The following PAPPA2 variants were observed in gnomAD, a reference collection of about 807,000 sequenced individuals.
PAPPA2 encodes pappalysin 2, also known as pappalysin-2.
A neutral mutation model predicts 176.4 loss-of-function variants in PAPPA2; 86 were observed. The observed-to-expected ratio is 0.49, with a 90% CI of 0.41 to 0.58. The LOEUF (loss-of-function observed/expected upper bound fraction) is 0.58, where lower values mean the gene tolerates loss of function less well. Among genes scored for constraint, PAPPA2 ranks in the 20% least tolerant of loss-of-function variants. PAPPA2 has a pLI of 0.00. For synonymous variants in PAPPA2, 809 were observed against 852.2 expected, an observed-to-expected ratio of 0.95 and a Z score of 0.88; for missense variants, 2,073 against 2,256.9, an observed-to-expected ratio of 0.92 and a Z score of 1.65.
intron 3 of PAPPA2, among the ~76,000 whole-genome samples, chr1:176,641,413 G>T (rs1410346666): frequency 6.6e-6 from 1 of 151,474 alleles, no homozygotes; most frequent in African/African-American, 2.4e-5. Flanking sequence ...CATATGGCTA[G>T]CCAGTTTTCC....
chr1:176,624,051 G>T (rs1655867919), intron 3 of PAPPA2, among the ~76,000 whole-genome samples: 1 of 151,932 alleles, frequency 6.6e-6, no homozygotes, highest in Non-Finnish European at 1.5e-5. Flanking sequence ...ATGCTTTCCA[G>T]GCTAAAGCTG....
intron 1 of PAPPA2, among the ~76,000 whole-genome samples, chr1:176,545,612 G>A (rs916108227): frequency 2.6e-5 from 4 of 152,020 alleles, no homozygotes; most frequent in Admixed American, 2.0e-4. Flanking sequence ...ATGTGTGTAG[G>A]TTATATGCCA....
chr1:176,697,787 T>C (rs750680049), intron 7 of PAPPA2, among the ~76,000 whole-genome samples: 1 of 152,220 alleles, frequency 6.6e-6, no homozygotes, highest in Non-Finnish European at 1.5e-5. Flanking sequence ...ATGTATTTAT[T>C]GTTACATCTA....
chr1:176,699,156 G>T lies in PAPPA2; in HGVS notation c.2803G>T (p.Val935Phe), dbSNP rs771291276. 1.2e-6 allele frequency: 2 copies of T among 1,614,066 alleles called. No individual in the cohort carries two copies. Among genetic ancestry groups the T allele is most frequent in the South Asian group, 2.2e-5 (2 of 91,070 alleles). The change falls in exon 8 of 23, where the codon GTC becomes TTC. Residue 935 changes from valine to phenylalanine, a missense_variant. This residue lies in a region of PAPPA2 where 1,196 missense variants were observed against 1,330.4 expected (regional missense o/e 0.90). Transcript: ENST00000367662. Reference protein sequence around the residue: ...EPSLQAWSPEVHLYHMNMTVP... With the variant: ...EPSLQAWSPEFHLYHMNMTVP... Reference sequence around the variant, plus strand: ...AAGCTTACAGGCCTGGAGCCCTGAGGTCCACCTGTACCACATGAACATGAC... The same window carrying T: ...AAGCTTACAGGCCTGGAGCCCTGAGTTCCACCTGTACCACATGAACATGAC...
At chr1:176,643,418 T>C (rs1448368957) in intron 3 of PAPPA2, among the ~76,000 whole-genome samples, 1 of 151,314 alleles carries the variant, frequency 6.6e-6, no homozygotes, top group Non-Finnish European at 1.5e-5. Context: ...TTTCTTCTTC[T>C]GTTTTTTTTT....
At chr1:176,718,328 T>C (rs1661464143) in intron 12 of PAPPA2, among the ~76,000 whole-genome samples, 1 of 152,148 alleles carries the variant, frequency 6.6e-6, no homozygotes, top group South Asian at 2.1e-4. Context: ...TTTTTACTGC[T>C]CAGTCTTGCT....
At chr1:176,581,771 A>G (rs1410958977) in intron 2 of PAPPA2, among the ~76,000 whole-genome samples, 1 of 152,008 alleles carries the variant, frequency 6.6e-6, no homozygotes, top group Non-Finnish European at 1.5e-5. Flanking sequence ...CGCTGTTAGC[A>G]TATAAAAATG....
intron 1 of PAPPA2, among the ~76,000 whole-genome samples, chr1:176,512,691 G>T (rs574871989): frequency 2.8e-4 from 42 of 152,286 alleles, no homozygotes; most frequent in African/African-American, 9.6e-4. Context: ...TTACACTGAT[G>T]TGTGCATATA....
Position 176,546,790 on chromosome 1 carries a change from T to C in PAPPA2, c.-916-8617T>C, listed in dbSNP as rs559624860. Among the ~76,000 whole-genome samples the C allele has an allele frequency of 2.0e-5, 3 of 152,340 alleles. No individual in the cohort carries two copies. The South Asian group carries it at 6.2e-4, about 32-fold the overall frequency. ...ATAGGAATTGATCAAAGAAGTAACA[T>C]GACTTAATAAATTTCCCTCTTGAAA... is the stretch of plus-strand genomic sequence containing the variant. On this transcript the variant is annotated intron_variant, in intron 1 of 22. Transcript: ENST00000367662.
At chr1:176,829,528 A>G (rs1667005396) in intron 21 of PAPPA2, among the ~76,000 whole-genome samples, 1 of 152,192 alleles carries the variant, frequency 6.6e-6, no homozygotes, top group Admixed American at 6.5e-5. Flanking sequence ...GGCCTGCCTC[A>G]GCCTCCCATG....
chr1:176,642,445 T>C (rs1657152793), intron 3 of PAPPA2, among the ~76,000 whole-genome samples: 1 of 151,672 alleles, frequency 6.6e-6, no homozygotes, highest in Admixed American at 6.6e-5. Flanking sequence ...TAGGTGAGTG[T>C]GGGTGGAAAA....
At chr1:176,522,465 C>T (rs199730781) in intron 1 of PAPPA2, among the ~76,000 whole-genome samples, 32 of 152,298 alleles carry the variant, frequency 2.1e-4, no homozygotes, top group East Asian at 1.2e-3. Context: ...TTATGCTCAA[C>T]GCTTTACCCT....
Position 176,692,164 on chromosome 1 carries a change from G to A in PAPPA2, c.2470G>A (p.Ala824Thr), listed in dbSNP as rs1329622251. 1 of 1,613,852 alleles carries A rather than the reference G, an allele frequency of 6.2e-7. No individual in the cohort carries two copies. The highest frequency in any genetic ancestry group is 8.5e-7 in the Non-Finnish European group (1 of 1,179,924). The change falls in exon 6 of 23, where the codon GCC becomes ACC. Residue 824 changes from alanine (A) to threonine (T), a missense_variant. Ala to Thr is a moderately conservative substitution (Grantham distance 58). Coordinates refer to ENST00000367662, the MANE Select transcript of PAPPA2 (RefSeq NM_020318.3). ...TGACAACTTCACTCCTAACCAAGTGGCCCGAATGCATTGCTATTTGGACCT... is the reference window on the plus strand; with the variant it reads ...TGACAACTTCACTCCTAACCAAGTGACCCGAATGCATTGCTATTTGGACCT... Reference protein sequence around the residue: ...CTDNFTPNQVARMHCYLDLVY... With the variant: ...CTDNFTPNQVTRMHCYLDLVY...
intron 1 of PAPPA2, among the ~76,000 whole-genome samples, chr1:176,477,959 C>T (rs1652217920): frequency 6.6e-6 from 1 of 152,114 alleles, no homozygotes; most frequent in Non-Finnish European, 1.5e-5. Flanking sequence ...TCCAAGTTAA[C>T]AGCTGGGTTA....
At chr1:176,630,924 G>T (rs1381522036) in intron 3 of PAPPA2, among the ~76,000 whole-genome samples, 2 of 152,202 alleles carry the variant, frequency 1.3e-5, no homozygotes, top group African/African-American at 4.8e-5. Context: ...TTGAAACTGA[G>T]AGTATAGCAT....
chr1:176,752,844 G>A (rs1015862553), intron 14 of PAPPA2, among the ~76,000 whole-genome samples: 1 of 152,190 alleles, frequency 6.6e-6, no homozygotes, highest in African/African-American at 2.4e-5. Context: ...CAATGGGACT[G>A]TGTGCTAGTG....
intron 1 of PAPPA2, among the ~76,000 whole-genome samples, chr1:176,482,155 G>T (rs1471083207): frequency 6.6e-6 from 1 of 152,188 alleles, no homozygotes; most frequent in Admixed American, 6.5e-5. Flanking sequence ...TCACTGCATA[G>T]AGGTAAAAGA....
chr1:176,812,977 G>A (rs1666222303), intron 21 of PAPPA2, among the ~76,000 whole-genome samples: 1 of 151,574 alleles, frequency 6.6e-6, no homozygotes, highest in Non-Finnish European at 1.5e-5. Flanking sequence ...TGTGTGTGTT[G>A]TTCCCCCATT....
intron 3 of PAPPA2, among the ~76,000 whole-genome samples, chr1:176,636,839 A>G (rs941817639): frequency 4.6e-5 from 7 of 152,136 alleles, no homozygotes; most frequent in African/African-American, 1.4e-4. Context: ...TTAAGAACCT[A>G]TGTTCTTCAT....
Sources: allele counts gnomAD v4.1 joint callset (sites outside exome capture counted in the v4.1 genomes callset), GRCh38; gene constraint gnomAD v4.1.1; regional missense constraint gnomAD v4.1.1; transcripts MANE v1.5; gene names NCBI Gene and HGNC (gene_info 2026-07-23, HGNC 2026-07-21).